FHIT: variants seen among roughly 807,000 people sequenced by gnomAD.
FHIT encodes the protein bis(5'-adenosyl)-triphosphatase.
Under a neutral mutation model 17.9 loss-of-function variants are expected in FHIT, and 19 were observed. The ratio of observed to expected loss-of-function variants is 1.06; its 90% confidence interval spans 0.74 to 1.56. The LOEUF (loss-of-function observed/expected upper bound fraction) is 1.56. FHIT is among the 40% of genes most tolerant of loss of function. The pLI is 0.00. For missense variants in FHIT, 248 were observed against 189.2 expected (o/e 1.31, Z -1.82); for synonymous variants, 81 against 69.7 (o/e 1.16, Z -0.81).
chr3:60,652,103 A>C (rs1348411803), intron 4 of FHIT, among the ~76,000 whole-genome samples: 1 of 152,150 alleles, frequency 6.6e-6, no homozygotes, highest in Non-Finnish European at 1.5e-5. Flanking sequence ...TTCCAGAAAG[A>C]ATCGAGCCTC....
chr3:61,110,002 C>G (rs1255153253), intron 2 of FHIT, among the ~76,000 whole-genome samples: 1 of 152,168 alleles, frequency 6.6e-6, no homozygotes, highest in African/African-American at 2.4e-5. Flanking sequence ...GCAAGAAGGG[C>G]TACAATAATT....
At chr3:61,098,535 T>C (rs1201078994) in intron 2 of FHIT, among the ~76,000 whole-genome samples, 1 of 152,204 alleles carries the variant, frequency 6.6e-6, no homozygotes, top group African/African-American at 2.4e-5. Flanking sequence ...TATAAACTGT[T>C]AAGGGCCATA....
At position 59,748,020 on chromosome 3, in the gene FHIT, C is replaced by T. The variant is rs150836509; in HGVS notation, c.*1565G>A. On this transcript the variant is annotated 3_prime_UTR_variant, in exon 10 of 10. Coordinates refer to ENST00000492590, the MANE Select transcript of FHIT (RefSeq NM_002012.4). The stretch of plus-strand genomic sequence containing the variant: ...CCAAATGGAGAGTTTCGGTTTGGTG[C>T]TAGAATTAAATGCCCCTCTAATGGT... 4.6e-4 allele frequency among the ~76,000 whole-genome samples: 70 copies of T among 152,170 alleles called. No homozygotes were observed. The highest frequency in any genetic ancestry group is 1.4e-3 in the African/African-American group (59 of 41,514).
intron 2 of FHIT, among the ~76,000 whole-genome samples, chr3:61,068,541 T>C (rs2034692671): frequency 6.6e-6 from 1 of 152,188 alleles, no homozygotes; most frequent in Non-Finnish European, 1.5e-5. Context: ...CCCACCCAGG[T>C]ATTCAGGAGA....
chr3:60,383,994 C>A (rs370459873), intron 5 of FHIT, among the ~76,000 whole-genome samples: 1 of 152,144 alleles, frequency 6.6e-6, no homozygotes, highest in African/African-American at 2.4e-5. Flanking sequence ...ATAGGACAGG[C>A]GCAGGTGGCC....
At chr3:60,473,874 G>A (rs2033212770) in intron 5 of FHIT, among the ~76,000 whole-genome samples, 1 of 151,814 alleles carries the variant, frequency 6.6e-6, no homozygotes, top group Non-Finnish European at 1.5e-5. Context: ...AGTGAGCTGA[G>A]ATCACGCCAT....
intron 8 of FHIT, among the ~76,000 whole-genome samples, chr3:59,834,499 T>C (rs1701273686): frequency 6.6e-6 from 1 of 152,162 alleles, no homozygotes; most frequent in South Asian, 2.1e-4. Flanking sequence ...AAAACAAACA[T>C]TTACTTCTCA....
chr3:59,843,097 T>C (rs183663286), intron 8 of FHIT, among the ~76,000 whole-genome samples: 2 of 152,178 alleles, frequency 1.3e-5, no homozygotes, highest in East Asian at 1.9e-4. Context: ...AGGTAAGGAA[T>C]GTACCTAACA....
chr3:60,388,015 T>C (rs1559874375), intron 5 of FHIT, among the ~76,000 whole-genome samples: 2 of 151,992 alleles, frequency 1.3e-5, no homozygotes, highest in Non-Finnish European at 2.9e-5. Flanking sequence ...ACATACCAGT[T>C]CTCCTTCCCC....
chr3:60,212,459 T>C lies in FHIT; in HGVS notation c.104-198307A>G, dbSNP rs145377898. Among the ~76,000 whole-genome samples the C allele has an allele frequency of 6.5e-3, 990 of 152,300 alleles. 6 individuals are homozygous for C. Among genetic ancestry groups the C allele is most frequent in the African/African-American group, 0.017 (706 of 41,560 alleles). Reference sequence around the variant, plus strand: ...CACCAGAAGACTCCCTTGTCTGTAATAGAGCTTCAGATAGAACACACCTCT... The same window carrying C: ...CACCAGAAGACTCCCTTGTCTGTAACAGAGCTTCAGATAGAACACACCTCT... On this transcript the variant is annotated intron_variant, in intron 5 of 9. Transcript: ENST00000492590.
chr3:61,197,810 G>A (rs928512911), intron 2 of FHIT, among the ~76,000 whole-genome samples: 1 of 152,006 alleles, frequency 6.6e-6, no homozygotes, highest in Admixed American at 6.6e-5. Context: ...AAGAGACCAG[G>A]GCCCCAGAAA....
chr3:60,613,137 A>T (rs2038836543), intron 4 of FHIT, among the ~76,000 whole-genome samples: 2 of 152,260 alleles, frequency 1.3e-5, no homozygotes, highest in Admixed American at 6.5e-5. Context: ...CTAATGCTTG[A>T]CTTTTTCTTC....
At chr3:61,220,526 G>T (rs926264908) in intron 1 of FHIT, among the ~76,000 whole-genome samples, 4 of 152,130 alleles carry the variant, frequency 2.6e-5, no homozygotes, top group African/African-American at 9.7e-5. Flanking sequence ...TAGAGTCCAG[G>T]GAGGTGACCA....
chr3:60,825,135 G>A (rs1702068791), intron 3 of FHIT, among the ~76,000 whole-genome samples: 1 of 152,078 alleles, frequency 6.6e-6, no homozygotes, highest in East Asian at 1.9e-4. Flanking sequence ...TTATTCTATT[G>A]AGCAATTTTA....
At chr3:60,104,522 A>G (rs1426078212) in intron 5 of FHIT, among the ~76,000 whole-genome samples, 2 of 151,542 alleles carry the variant, frequency 1.3e-5, no homozygotes, top group East Asian at 3.9e-4. Flanking sequence ...CTTATAGAAT[A>G]GAAAGAGAAA....
At position 61,249,532 on chromosome 3, in the gene FHIT, C is replaced by G. The variant is rs376475095; in HGVS notation, c.-213+1769G>C. Among the ~76,000 whole-genome samples the G allele has an allele frequency of 2.0e-4, 30 of 152,260 alleles. No homozygotes were observed. In the East Asian group the frequency reaches 2.1e-3, roughly 11 times the overall value. ...CTCAGCTCTGTAAGGTAAGGTCTTT[C>G]TCTAAGCAGAGACTGTTAAGCAGAA... On this transcript the variant is annotated intron_variant, in intron 1 of 9. Transcript: ENST00000492590.
rs186957838 is a variant in FHIT, at chr3:60,458,691, C to T, written c.103+78169G>A. On this transcript the variant is annotated intron_variant, in intron 5 of 9. Transcript: ENST00000492590. Reference sequence around the variant, plus strand: ...ATCTGCTTTCTCAACACACCTTGACCGCCAACTCTAGATGTCAAAAGCTGA... The same window carrying T: ...ATCTGCTTTCTCAACACACCTTGACTGCCAACTCTAGATGTCAAAAGCTGA... Among the ~76,000 whole-genome samples the T allele has an allele frequency of 5.3e-4, 81 of 152,122 alleles. 2 individuals are homozygous for T. In the East Asian group the frequency reaches 0.013, roughly 24 times the overall value.
chr3:60,558,388 A>C (rs1201574868), intron 4 of FHIT, among the ~76,000 whole-genome samples: 3 of 151,772 alleles, frequency 2.0e-5, no homozygotes, highest in Admixed American at 1.3e-4. Flanking sequence ...CTCCCAACTT[A>C]AATATTTCTC....
intron 4 of FHIT, among the ~76,000 whole-genome samples, chr3:60,561,605 A>G (rs2036950222): frequency 6.6e-6 from 1 of 152,150 alleles, no homozygotes; most frequent in Non-Finnish European, 1.5e-5. Context: ...AGTTCAGGCC[A>G]TTATCCAGGA....
Sources: gnomAD v4.1 joint callset for allele counts (sites outside exome capture counted in the v4.1 genomes callset) on GRCh38, gnomAD v4.1.1 for gene constraint, MANE v1.5 for transcripts, NCBI Gene and HGNC (gene_info 2026-07-23, HGNC 2026-07-21) for gene names.